The following ZFHX3 variants were observed in gnomAD, a reference collection of about 807,000 sequenced individuals.
The protein encoded by ZFHX3 is zinc finger homeobox protein 3.
A neutral mutation model predicts 279.1 loss-of-function variants in ZFHX3; 42 were observed. That is an observed-to-expected ratio of 0.15 (90% CI 0.12 to 0.19). The LOEUF (loss-of-function observed/expected upper bound fraction) is 0.19, where lower values mean the gene tolerates loss of function less well. Ranked by LOEUF, ZFHX3 falls within the 10% of genes least tolerant of loss-of-function variation. ZFHX3 has a pLI of 1.00. For missense variants in ZFHX3, 4,981 were observed against 4,754.0 expected, an observed-to-expected ratio of 1.05 and a Z score of -1.40; for synonymous variants, 2,293 against 1,957.8, an observed-to-expected ratio of 1.17 and a Z score of -4.52.
At chr16:73,578,497 A>G (rs1197082108) in intron 2 of ZFHX3, among the ~76,000 whole-genome samples, 4 of 152,180 alleles carry the variant, frequency 2.6e-5, no homozygotes, top group Non-Finnish European at 5.9e-5. Context: ...AAATGCTAAG[A>G]GGCTTTATGA....
At chr16:73,467,844 C>T (rs1347043882) in intron 2 of ZFHX3, among the ~76,000 whole-genome samples, 1 of 152,168 alleles carries the variant, frequency 6.6e-6, no homozygotes, top group African/African-American at 2.4e-5. Flanking sequence ...CTGCTGACTT[C>T]CAGCTCCTCA....
chr16:72,787,759 G>C lies in ZFHX3; in HGVS notation c.10517C>G (p.Thr3506Ser), dbSNP rs751631916. Reference sequence around the variant, plus strand: ...GCCACTGCCACCGCCGCCGCCGCCGGTGGGGACGTGAAGCACCATCTCTTG... The same window carrying C: ...GCCACTGCCACCGCCGCCGCCGCCGCTGGGGACGTGAAGCACCATCTCTTG... Reference protein sequence around the residue: ...NLQEMVLHVPTGGGGGGSGGG... With the variant: ...NLQEMVLHVPSGGGGGGSGGG... The change falls in exon 10 of 10, where the codon ACC becomes AGC. Residue 3506 changes from threonine (T) to serine (S), a missense_variant. Transcript: ENST00000268489. 2.8e-6 allele frequency: 4 copies of C among 1,429,124 alleles called. No homozygotes were observed. Among genetic ancestry groups the C allele is most frequent in the South Asian group, 1.9e-5 (1 of 51,736 alleles). The allele number at this position is 1,429,124 out of a possible 1,614,324, so 88.5% of individuals were successfully genotyped here. A position where few individuals can be genotyped will look rare whatever the true frequency, so the allele number is the denominator to read the frequency against.
At chr16:72,932,079 A>G (rs968190610) in intron 3 of ZFHX3, among the ~76,000 whole-genome samples, 1 of 152,212 alleles carries the variant, frequency 6.6e-6, no homozygotes, top group Non-Finnish European at 1.5e-5. Flanking sequence ...ATGTAAGGGA[A>G]TGAAAACTAC....
chr16:73,193,836 C>T (rs1301106358), intron 5 of ZFHX3, among the ~76,000 whole-genome samples: 1 of 152,176 alleles, frequency 6.6e-6, no homozygotes, highest in Non-Finnish European at 1.5e-5. Flanking sequence ...ATAGGAATTC[C>T]CATCTGATAA....
intron 3 of ZFHX3, among the ~76,000 whole-genome samples, chr16:73,377,969 C>A (rs2016751048): frequency 7.7e-6 from 1 of 129,174 alleles, no homozygotes; most frequent in African/African-American, 2.9e-5. Flanking sequence ...GGAGGCGGAG[C>A]TTGCAGTGAG....
At chr16:73,664,304 A>C (rs1316142760) in intron 2 of ZFHX3, among the ~76,000 whole-genome samples, 2 of 152,178 alleles carry the variant, frequency 1.3e-5, no homozygotes, top group African/African-American at 4.8e-5. Context: ...CCCATGAAAA[A>C]CAAAGAACTA....
intron 4 of ZFHX3, among the ~76,000 whole-genome samples, chr16:73,288,164 C>A (rs886999598): frequency 6.6e-6 from 1 of 151,104 alleles, no homozygotes; most frequent in Non-Finnish European, 1.5e-5. Flanking sequence ...TTGCCTGTCA[C>A]CCCATGGAGG....
intron 5 of ZFHX3, among the ~76,000 whole-genome samples, chr16:72,814,464 T>C (rs775243071): frequency 2.6e-5 from 4 of 152,164 alleles, no homozygotes; most frequent in Non-Finnish European, 5.9e-5. Flanking sequence ...AGTAACCCAG[T>C]GCAGCATTAG....
intron 5 of ZFHX3, among the ~76,000 whole-genome samples, chr16:73,251,344 G>A (rs1045777972): frequency 2.0e-5 from 3 of 152,130 alleles, no homozygotes; most frequent in African/African-American, 7.2e-5. Flanking sequence ...GTGATAAAAC[G>A]ATAACGATGA....
At chr16:73,790,560 T>C (rs958249707) in intron 1 of ZFHX3, among the ~76,000 whole-genome samples, 23 of 152,228 alleles carry the variant, frequency 1.5e-4, no homozygotes, top group Admixed American at 3.3e-4. Flanking sequence ...ATCTGCAAAG[T>C]AACTTTCTTC....
chr16:72,787,690 T>A lies in ZFHX3; in HGVS notation c.10586A>T (p.Tyr3529Phe). 6.9e-7 allele frequency: 1 copy of A among 1,450,818 alleles called. No individual in the cohort carries two copies. The highest frequency in any genetic ancestry group is 9.1e-7 in the Non-Finnish European group (1 of 1,097,686). The allele number at this position is 1,450,818 out of a possible 1,614,324, so 89.9% of individuals were successfully genotyped here. A position where few individuals can be genotyped will look rare whatever the true frequency, so the allele number is the denominator to read the frequency against. Reference protein sequence around the residue: ...GGGGGGGGGSYHCLACESALC... With the variant: ...GGGGGGGGGSFHCLACESALC... ...CGCGCTCTCGCACGCCAGGCAGTGG[T>A]ACGAGCCGCCGCCGCCGCCGCCGCC... The change falls in exon 10 of 10, where the codon TAC (tyrosine) becomes TTC (phenylalanine). Residue 3529 changes from tyrosine to phenylalanine, a missense_variant. By Grantham distance (22) the Tyr-to-Phe change is conservative. This residue lies in a region of ZFHX3 where 1,034 missense variants were observed against 786.0 expected (regional missense o/e 1.32). Transcript: ENST00000268489.
At position 72,919,777 on chromosome 16, in the gene ZFHX3, C is replaced by CTTTTTTTTTTTTTTTTTTTTTTTT. The variant is rs532405250; in HGVS notation, c.3217-29839_3217-29816dup. Among the ~76,000 whole-genome samples, 2 of 42,264 alleles carry CTTTTTTTTTTTTTTTTTTTTTTTT rather than the reference C, an allele frequency of 4.7e-5. 1 individual carries two copies. Among genetic ancestry groups the CTTTTTTTTTTTTTTTTTTTTTTTT allele is most frequent in the Non-Finnish European group, 7.7e-5 (2 of 26,006 alleles). The allele number at this position is 42,264 out of a possible 152,430, so 27.7% of individuals were successfully genotyped here. On this transcript the variant is annotated intron_variant, in intron 3 of 9. Coordinates refer to ENST00000268489, the MANE Select transcript of ZFHX3 (RefSeq NM_006885.4). Reference sequence around the variant, plus strand: ...CAACTAAAACATGTATATGCACCATCTTTTTTTTTTTTTTTTTTTTTTTTT... The same window carrying CTTTTTTTTTTTTTTTTTTTTTTTT: ...CAACTAAAACATGTATATGCACCATCTTTTTTTTTTTTTTTTTTTTTTTTTTTTTTTTTTTTTTTTTTTTTTTTT...
chr16:73,247,871 G>T (rs2013346577), intron 5 of ZFHX3, among the ~76,000 whole-genome samples: 1 of 152,070 alleles, frequency 6.6e-6, no homozygotes, highest in African/African-American at 2.4e-5. Flanking sequence ...TATGCGGAGT[G>T]TATAAGTGTG....
chr16:73,574,226 T>C lies in ZFHX3; in HGVS notation c.-1547+105954A>G, dbSNP rs377144151. Among the ~76,000 whole-genome samples, 8 of 152,218 alleles carry C rather than the reference T, an allele frequency of 5.3e-5. No homozygotes were observed. In the East Asian group the frequency reaches 1.2e-3, roughly 22 times the overall value. ...TATTTTGTGGATGTGCTTGAAGCCC[T>C]CTAAAGAAATCACCTCTTTATTTCT... On this transcript the variant is annotated intron_variant, in intron 2 of 17. Coordinates refer to the ZFHX3 transcript ENST00000641206.
intron 2 of ZFHX3, among the ~76,000 whole-genome samples, chr16:73,577,041 G>C (rs1006246447): frequency 3.3e-5 from 5 of 152,132 alleles, no homozygotes; most frequent in Admixed American, 1.3e-4. Flanking sequence ...ATTTTGTAGG[G>C]GAGGAGGGTG....
chr16:72,835,655 G>A (rs987598842), intron 4 of ZFHX3, among the ~76,000 whole-genome samples: 1 of 152,050 alleles, frequency 6.6e-6, no homozygotes, highest in East Asian at 1.9e-4. Flanking sequence ...AGACTGACAC[G>A]GAGGATGGCA....
At chr16:72,848,092 C>T (rs1007008198) in intron 4 of ZFHX3, among the ~76,000 whole-genome samples, 1 of 152,176 alleles carries the variant, frequency 6.6e-6, no homozygotes, top group Non-Finnish European at 1.5e-5. Context: ...AAACACAGGT[C>T]GCCAGCCCCT....
At chr16:73,879,688 T>A (rs112921012) in intron 1 of ZFHX3, among the ~76,000 whole-genome samples, 2 of 152,250 alleles carry the variant, frequency 1.3e-5, no homozygotes, top group Middle Eastern at 3.4e-3. Context: ...CTGCCAATAT[T>A]TTCCATGTAT....
In ZFHX3 at chr16:73,124,554, T is replaced by A. The variant is rs115180270; in HGVS notation, c.-897+6414A>T. On this transcript the variant is annotated intron_variant, in intron 7 of 17. Transcript: ENST00000641206. ...GTTCAGTCCCACCACTTAGATATAATCCTGGACACGTTTGATAGCAACGGT... is the reference window on the plus strand; with the variant it reads ...GTTCAGTCCCACCACTTAGATATAAACCTGGACACGTTTGATAGCAACGGT... 7.0e-3 allele frequency among the ~76,000 whole-genome samples: 1,061 copies of A among 152,300 alleles called. 6 individuals carry two copies. The highest frequency in any genetic ancestry group is 0.025 in the African/African-American group (1,028 of 41,550).
Sources: allele counts gnomAD v4.1 joint callset (sites outside exome capture counted in the v4.1 genomes callset), GRCh38; gene constraint gnomAD v4.1.1; regional missense constraint gnomAD v4.1.1; transcripts MANE v1.5; gene names NCBI Gene and HGNC (gene_info 2026-07-23, HGNC 2026-07-21).